The following DRC11 variants were observed in gnomAD, a reference collection of about 807,000 sequenced individuals.
DRC11 encodes the protein IQ and AAA domain-containing protein 1.
chr2:236,478,056 C>T, the DRC11 span, among the ~76,000 whole-genome samples: 2 of 150,758 alleles, frequency 1.3e-5, no homozygotes, highest in Non-Finnish European at 3.0e-5. This position sits in a 1 kb window ranked among gnomAD's most constrained non-coding sequence, Gnocchi z 5.9. Context: ...TCATTTATTT[C>T]TGCTCTGATC....
At chr2:236,388,239 T>A in the DRC11 span, among the ~76,000 whole-genome samples, 7 of 151,742 alleles carry the variant, frequency 4.6e-5, no homozygotes, top group Non-Finnish European at 7.4e-5. Flanking sequence ...TTCTCCTGGA[T>A]AATATCCTGC....
chr2:236,373,743 C>A, the DRC11 span, among the ~76,000 whole-genome samples: 1 of 152,134 alleles, frequency 6.6e-6, no homozygotes, highest in East Asian at 1.9e-4. Context: ...GGAAGTGTGG[C>A]GCAGGATAGC....
At chr2:236,341,887 C>G in the DRC11 span, among the ~76,000 whole-genome samples, 1 of 152,158 alleles carries the variant, frequency 6.6e-6, no homozygotes, top group Non-Finnish European at 1.5e-5. Context: ...TCAGGGTTGC[C>G]GGGAGTTTCC....
chr2:236,394,748 C>T, the DRC11 span, among the ~76,000 whole-genome samples: 1 of 152,156 alleles, frequency 6.6e-6, no homozygotes, highest in Non-Finnish European at 1.5e-5. The surrounding 1 kb of genome is among the most constrained non-coding windows in gnomAD (Gnocchi z 7.0). Context: ...CCTGGACAGA[C>T]TACGGCACGG....
the DRC11 span, among the ~76,000 whole-genome samples, chr2:236,493,219 C>T: frequency 2.0e-5 from 3 of 152,086 alleles, no homozygotes; most frequent in Admixed American, 6.6e-5. Context: ...ATCACAAGAA[C>T]GGCACAGGAA....
At chr2:236,373,582 G>A in the DRC11 span, among the ~76,000 whole-genome samples, 1 of 152,126 alleles carries the variant, frequency 6.6e-6, no homozygotes, top group Non-Finnish European at 1.5e-5. Context: ...TTTGAAATAG[G>A]TTTCAGTATA....
the DRC11 span, among the ~76,000 whole-genome samples, chr2:236,409,326 C>G: frequency 6.6e-6 from 1 of 152,126 alleles, no homozygotes; most frequent in South Asian, 2.1e-4. Flanking sequence ...TCCTTCACAT[C>G]CCTTGTAAGT....
chr2:236,343,979 T>G, the DRC11 span, among the ~76,000 whole-genome samples: 6 of 152,292 alleles, frequency 3.9e-5, no homozygotes, highest in East Asian at 1.2e-3. This position sits in a 1 kb window ranked among gnomAD's most constrained non-coding sequence, Gnocchi z 6.6. Flanking sequence ...ACTATTTGCT[T>G]TGGTGCAAAT....
At chr2:236,468,776 A>G in the DRC11 span, among the ~76,000 whole-genome samples, 138 of 152,402 alleles carry the variant, frequency 9.1e-4, 1 homozygote, top group African/African-American at 3.2e-3. Context: ...TATCTGCAAT[A>G]AATGACTCAA....
At chr2:236,414,431 G>T in the DRC11 span, among the ~76,000 whole-genome samples, 1 of 152,136 alleles carries the variant, frequency 6.6e-6, no homozygotes, top group Non-Finnish European at 1.5e-5. Context: ...GATTCATTTT[G>T]TTGCCTATGA....
At chr2:236,495,671 C>T in the DRC11 span, among the ~76,000 whole-genome samples, 16 of 152,260 alleles carry the variant, frequency 1.1e-4, no homozygotes, top group African/African-American at 3.1e-4. The surrounding 1 kb of genome is among the most constrained non-coding windows in gnomAD (Gnocchi z 5.6). Context: ...GGCAGGAACC[C>T]AGCTGGGTGT....
chr2:236,479,964 T>C, the DRC11 span, among the ~76,000 whole-genome samples: 1 of 152,228 alleles, frequency 6.6e-6, no homozygotes, highest in South Asian at 2.1e-4. This position sits in a 1 kb window ranked among gnomAD's most constrained non-coding sequence, Gnocchi z 4.1. Flanking sequence ...GGAAACACTT[T>C]ATCTCTTCTT....
At chr2:236,325,543 G>C in the DRC11 span, among the ~76,000 whole-genome samples, 1 of 151,536 alleles carries the variant, frequency 6.6e-6, no homozygotes, top group Non-Finnish European at 1.5e-5. The surrounding 1 kb of genome is among the most constrained non-coding windows in gnomAD (Gnocchi z 4.4). Flanking sequence ...ACTTGGTATT[G>C]CTAAATTGCT....
the DRC11 span, among the ~76,000 whole-genome samples, chr2:236,336,548 G>A: frequency 6.6e-6 from 1 of 151,364 alleles, no homozygotes; most frequent in East Asian, 2.0e-4. This position sits in a 1 kb window ranked among gnomAD's most constrained non-coding sequence, Gnocchi z 7.3. Context: ...AGTGTCAAAT[G>A]TGACCTTTGC....
At chr2:236,441,127 G>A in the DRC11 span, 1 of 1,548,058 alleles carries the variant, frequency 6.5e-7, no homozygotes, top group Non-Finnish European at 8.8e-7. Context: ...TTAAATTTCT[G>A]CAGGAAAAAA....
At chr2:236,481,864 T>TAGA in the DRC11 span, among the ~76,000 whole-genome samples, 7 of 150,456 alleles carry the variant, frequency 4.7e-5, no homozygotes, top group African/African-American at 1.5e-4. Flanking sequence ...TAACTATATG[T>TAGA]ATAATTCTAT....
At chr2:236,335,349 T>C in the DRC11 span, among the ~76,000 whole-genome samples, 1 of 152,206 alleles carries the variant, frequency 6.6e-6, no homozygotes, top group East Asian at 1.9e-4. The surrounding 1 kb of genome is among the most constrained non-coding windows in gnomAD (Gnocchi z 5.6). Flanking sequence ...TGAGGGGCGA[T>C]GACGTCGGCC....
chr2:236,441,228 G>A, the DRC11 span: 1 of 800,080 alleles, frequency 1.2e-6, no homozygotes, highest in African/African-American at 1.7e-5. Flanking sequence ...GGTCATTAAG[G>A]GTGGAGGGTT....
chr2:236,341,314 AACTG>A, the DRC11 span, among the ~76,000 whole-genome samples: 1 of 152,198 alleles, frequency 6.6e-6, no homozygotes, highest in Non-Finnish European at 1.5e-5. Flanking sequence ...AGATACAAAC[AACTG>A]ACTGAGCGCA....
Sources: gnomAD v4.1 joint callset for allele counts (sites outside exome capture counted in the v4.1 genomes callset) on GRCh38, gnomAD v4.1.1 for gene constraint, Gnocchi (gnomAD v3.1) non-coding constraint, MANE v1.5 for transcripts, NCBI Gene and HGNC (gene_info 2026-07-23, HGNC 2026-07-21) for gene names.